CDH18: variants seen among roughly 807,000 people sequenced by gnomAD.
CDH18 encodes the protein cadherin-18.
Under a neutral mutation model 67.9 loss-of-function variants are expected in CDH18, and 31 were observed. The observed-to-expected ratio is 0.46, with a 90% CI of 0.34 to 0.62. The LOEUF (loss-of-function observed/expected upper bound fraction) is 0.62, where lower values mean the gene tolerates loss of function less well. Ranked by LOEUF, CDH18 falls within the 20% of genes least tolerant of loss-of-function variation. The pLI is 0.01. For missense variants in CDH18, 890 were observed against 975.5 expected (o/e 0.91, Z 1.17); for synonymous variants, 362 against 347.2 (o/e 1.04, Z -0.48).
intron 1 of CDH18, among the ~76,000 whole-genome samples, chr5:20,275,267 G>A (rs1022213902): frequency 1.3e-5 from 2 of 151,988 alleles, no homozygotes; most frequent in African/African-American, 4.8e-5. Flanking sequence ...TCTTGTGATA[G>A]TGAGTGAGTT....
At chr5:20,161,243 C>T (rs533859798) in intron 2 of CDH18, among the ~76,000 whole-genome samples, 23 of 152,320 alleles carry the variant, frequency 1.5e-4, no homozygotes, top group African/African-American at 5.5e-4. Flanking sequence ...CCCTAGATGC[C>T]TGGCTGATGC....
intron 2 of CDH18, among the ~76,000 whole-genome samples, chr5:19,915,437 C>A (rs1791654560): frequency 1.3e-5 from 2 of 152,068 alleles, no homozygotes; most frequent in African/African-American, 2.4e-5. Context: ...GTACTAACAG[C>A]CTACTGTTGA....
At chr5:20,560,955 G>T (rs1045189417) in intron 1 of CDH18, among the ~76,000 whole-genome samples, 6 of 151,884 alleles carry the variant, frequency 4.0e-5, no homozygotes, top group African/African-American at 1.2e-4. Context: ...ATCAGCAAAA[G>T]ACTTGAACAG....
At chr5:20,134,761 A>T (rs1021550475) in intron 2 of CDH18, among the ~76,000 whole-genome samples, 2 of 151,660 alleles carry the variant, frequency 1.3e-5, no homozygotes, top group Admixed American at 6.6e-5. Flanking sequence ...CCTCCTTTTG[A>T]CTTTGGTCTT....
At chr5:19,732,298 TA>T (rs1288939586) in intron 4 of CDH18, among the ~76,000 whole-genome samples, 1 of 151,620 alleles carries the variant, frequency 6.6e-6, no homozygotes, top group Non-Finnish European at 1.5e-5. Context: ...GTTTTTAAAA[TA>T]AAAAATTATA....
At chr5:20,307,972 T>A (rs1011749741) in intron 1 of CDH18, among the ~76,000 whole-genome samples, 6 of 152,104 alleles carry the variant, frequency 3.9e-5, no homozygotes, top group Admixed American at 1.3e-4. Flanking sequence ...GAACATTTGT[T>A]TTTATTGTTG....
intron 2 of CDH18, among the ~76,000 whole-genome samples, chr5:19,871,601 T>C (rs1786299508): frequency 6.6e-6 from 1 of 152,172 alleles, no homozygotes; most frequent in Non-Finnish European, 1.5e-5. Context: ...TGAAAAGCTA[T>C]TTTGGGTTTT....
rs1193375143 is a variant in CDH18 at position 19,970,767 on chromosome 5, T to A, written c.-257+10293A>T. 2.0e-5 allele frequency among the ~76,000 whole-genome samples: 3 copies of A among 150,926 alleles called. No homozygotes were observed. The East Asian group carries it at 5.8e-4, about 29-fold the overall frequency. ...ATACCGTAAAATAATATTTAATCTT[T>A]GAGATTAAATATTATTCTACATATA... On this transcript the variant is annotated intron_variant, in intron 2 of 12. Transcript: ENST00000382275.
chr5:19,678,283 C>G (rs1759782196), intron 5 of CDH18, among the ~76,000 whole-genome samples: 1 of 150,658 alleles, frequency 6.6e-6, no homozygotes, highest in Admixed American at 6.6e-5. Flanking sequence ...CAAACACACT[C>G]TCGGACAACA....
At chr5:20,463,275 G>A (rs115808871) in intron 1 of CDH18, among the ~76,000 whole-genome samples, 136 of 148,574 alleles carry the variant, frequency 9.2e-4, no homozygotes, top group African/African-American at 3.2e-3. Context: ...ATTCTTTGTA[G>A]AGTTAAGGCT....
intron 12 of CDH18, 60 bp downstream of exon 12, chr5:19,483,241 A>G: frequency 6.6e-7 from 1 of 1,523,946 alleles, no homozygotes; most frequent in Non-Finnish European, 8.9e-7. Flanking sequence ...AGATTTGTCA[A>G]AATGATTCCC....
chr5:20,450,942 A>G lies in CDH18; in HGVS notation c.-580+124520T>C, dbSNP rs183217613. On this transcript the variant is annotated intron_variant, in intron 1 of 14. Transcript: ENST00000507958. ...AGGCAAGAGAGCATGTGCAGGAGAA[A>G]TATTCTTTATAAAACCATCAGATCT... is the stretch of plus-strand genomic sequence containing the variant. Among the ~76,000 whole-genome samples, 7 of 152,282 alleles carry G rather than the reference A, an allele frequency of 4.6e-5. No individual in the cohort carries two copies. In the East Asian group the frequency reaches 1.4e-3, roughly 29 times the overall value.
chr5:19,887,158 T>G (rs984997588), intron 2 of CDH18, among the ~76,000 whole-genome samples: 14 of 139,060 alleles, frequency 1.0e-4, no homozygotes, highest in African/African-American at 2.4e-4. Context: ...TTGTTTTTTG[T>G]TTTTTTTTTT....
chr5:20,542,401 G>A (rs10053482), intron 1 of CDH18, among the ~76,000 whole-genome samples: 6,322 of 151,392 alleles, frequency 0.042, 423 homozygotes, highest in African/African-American at 0.14. Flanking sequence ...CTTGTGGTAA[G>A]GGTTTCTATT....
At chr5:19,873,251 A>G (rs1214197630) in intron 2 of CDH18, among the ~76,000 whole-genome samples, 1 of 151,930 alleles carries the variant, frequency 6.6e-6, no homozygotes, top group Non-Finnish European at 1.5e-5. Flanking sequence ...AACAAGAGAA[A>G]GCATGGTTCA....
At chr5:20,318,029 C>G (rs190198547) in intron 1 of CDH18, among the ~76,000 whole-genome samples, 11,465 of 152,080 alleles carry the variant, frequency 0.075, 673 homozygotes, top group East Asian at 0.29. Flanking sequence ...GTAATGAAAA[C>G]TATATAGTTT....
chr5:20,538,819 T>C (rs1756870023), intron 1 of CDH18, among the ~76,000 whole-genome samples: 1 of 152,046 alleles, frequency 6.6e-6, no homozygotes, highest in Non-Finnish European at 1.5e-5. Flanking sequence ...GATAATCACT[T>C]CTATTGTGGA....
At chr5:19,607,629 T>A (rs188822887) in intron 6 of CDH18, among the ~76,000 whole-genome samples, 192 of 151,444 alleles carry the variant, frequency 1.3e-3, no homozygotes, top group African/African-American at 4.4e-3. Context: ...TGAAACTATA[T>A]CAGTAATTAA....
intron 2 of CDH18, among the ~76,000 whole-genome samples, chr5:20,167,110 T>C (rs1020444691): frequency 3.3e-5 from 5 of 152,160 alleles, no homozygotes; most frequent in Non-Finnish European, 5.9e-5. Flanking sequence ...CAATCTCCAT[T>C]GGCAATCCAT....
Sources: gnomAD v4.1 joint callset for allele counts (sites outside exome capture counted in the v4.1 genomes callset) on GRCh38, gnomAD v4.1.1 for gene constraint, MANE v1.5 for transcripts, NCBI Gene and HGNC (gene_info 2026-07-23, HGNC 2026-07-21) for gene names.